The following TMPPE variants were observed in gnomAD, a reference collection of about 807,000 sequenced individuals.
TMPPE encodes the protein transmembrane protein with metallophosphoesterase domain.
TMPPE carries 16 observed loss-of-function variants against 22.6 expected under a neutral mutation model. The observed-to-expected ratio is 0.71, with a 90% CI of 0.48 to 1.08. The LOEUF is 1.08. TMPPE is among the 50% of genes least tolerant of loss of function. TMPPE has a pLI of 0.00. For missense variants in TMPPE, 526 were observed against 584.3 expected, an observed-to-expected ratio of 0.90 and a Z score of 1.03; for synonymous variants, 240 against 245.3, an observed-to-expected ratio of 0.98 and a Z score of 0.20.
At position 33,090,487 on chromosome 3, in the gene TMPPE, C is replaced by G. The variant is rs1700705792; in HGVS notation, c.*2347G>C. Reference sequence around the variant, plus strand: ...GTGACAGCATCATATACTACAGACACTATTGCTGATTTTCAAAAAGCATTG... The same window carrying G: ...GTGACAGCATCATATACTACAGACAGTATTGCTGATTTTCAAAAAGCATTG... On this transcript the variant is annotated 3_prime_UTR_variant, in exon 2 of 2. Coordinates refer to ENST00000342462, the MANE Select transcript of TMPPE (RefSeq NM_001039770.3). The G allele has an allele frequency of 6.1e-6, 6 of 985,284 alleles. No individual in the cohort carries two copies. Among genetic ancestry groups the G allele is most frequent in the African/African-American group, 1.7e-5 (1 of 57,230 alleles). 61.0% of individuals were successfully genotyped at this position (985,284 alleles called of 1,614,324 possible).
Position 33,090,802 on chromosome 3 carries a change from G to C in TMPPE, c.*2032C>G. ...TGTTGTTTCTCAGATACATAGGATG[G>C]ACCTGTTTTCTTTCTGCTAATAGAA... On this transcript the variant is annotated 3_prime_UTR_variant, in exon 2 of 2. Transcript: ENST00000342462. The C allele has an allele frequency of 1.0e-5, 10 of 985,358 alleles. No individual in the cohort carries two copies. Among genetic ancestry groups the C allele is most frequent in the Non-Finnish European group, 1.2e-5 (10 of 829,928 alleles). The allele number at this position is 985,358 out of a possible 1,614,324, so 61.0% of individuals were successfully genotyped here.
Position 33,091,665 on chromosome 3 carries a change from G to C in TMPPE, c.*1169C>G. On this transcript the variant is annotated 3_prime_UTR_variant, in exon 2 of 2. Transcript: ENST00000342462. ...CGATAATTATCCCCATTTTAGGGTTGATGGAAACCAAGGCTGAGTGAGGGA... is the reference window on the plus strand; with the variant it reads ...CGATAATTATCCCCATTTTAGGGTTCATGGAAACCAAGGCTGAGTGAGGGA... The C allele has an allele frequency of 1.0e-6, 1 of 984,946 alleles. No homozygotes were observed. Among genetic ancestry groups the C allele is most frequent in the Non-Finnish European group, 1.2e-6 (1 of 829,482 alleles). The allele number at this position is 984,946 out of a possible 1,614,324, so 61.0% of individuals were successfully genotyped here.
rs916369318 is a variant in TMPPE at position 33,096,857 on chromosome 3, T to G, written c.-247A>C. ...GCCCCCGACGGGAAGGCCGGTCCACTGCCTGCGTTCCGCCGGCCGCGAGCC... is the reference window on the plus strand; with the variant it reads ...GCCCCCGACGGGAAGGCCGGTCCACGGCCTGCGTTCCGCCGGCCGCGAGCC... On this transcript the variant is annotated 5_prime_UTR_variant, in exon 1 of 2. Transcript: ENST00000342462. 2.8e-6 allele frequency: 4 copies of G among 1,405,928 alleles called. No individual in the cohort carries two copies. Among genetic ancestry groups the G allele is most frequent in the Non-Finnish European group, 3.7e-6 (4 of 1,079,806 alleles). 87.1% of individuals were successfully genotyped at this position (1,405,928 alleles called of 1,614,324 possible).
intron 1 of TMPPE, among the ~76,000 whole-genome samples, chr3:33,095,085 C>T (rs1700953730): frequency 6.6e-6 from 1 of 151,862 alleles, no homozygotes; most frequent in African/African-American, 2.4e-5. Context: ...GTGGTGGATG[C>T]ATGTAATCCC....
chr3:33,096,958 C>T lies in TMPPE; in HGVS notation c.-348G>A. On this transcript the variant is annotated 5_prime_UTR_variant, in exon 1 of 2. Transcript: ENST00000342462. Reference sequence around the variant, plus strand: ...TGGCTGCGACCCCAGCCCGGTTCCCCGCCAGCCTGTCCCCTAGCAATGCCT... The same window carrying T: ...TGGCTGCGACCCCAGCCCGGTTCCCTGCCAGCCTGTCCCCTAGCAATGCCT... 6.3e-7 allele frequency: 1 copy of T among 1,592,804 alleles called. No individual in the cohort carries two copies. The highest frequency in any genetic ancestry group is 1.1e-5 in the South Asian group (1 of 88,364).
chr3:33,093,542 G>A lies in TMPPE; in HGVS notation c.654C>T (p.Gly218=). The change falls in exon 2 of 2, where the codon GGC becomes GGT. Residue 218 remains glycine, a synonymous_variant. Coordinates refer to ENST00000342462, the MANE Select transcript of TMPPE (RefSeq NM_001039770.3). The surrounding 1 kb of genome is among the most constrained non-coding windows in gnomAD (Gnocchi z 6.0). The stretch of plus-strand genomic sequence containing the variant: ...CCATCTTGGTCCTGCCCACTGTGGG[G>A]CCCAAGTGAATGTCTGAGAGGAGCA... ...KIVLLSDIHL[G]PTVGRTKMEM... is the part of the protein sequence containing the mutation. The A allele has an allele frequency of 1.2e-6, 2 of 1,614,208 alleles. No individual in the cohort carries two copies. Among genetic ancestry groups the A allele is most frequent in the Non-Finnish European group, 1.7e-6 (2 of 1,180,036 alleles).
chr3:33,092,415 A>G lies in TMPPE; in HGVS notation c.*419T>C, dbSNP rs1700802886. 1.1e-5 allele frequency: 11 copies of G among 994,712 alleles called. No homozygotes were observed. The South Asian group carries it at 5.1e-4, about 46-fold the overall frequency. 61.6% of individuals were successfully genotyped at this position (994,712 alleles called of 1,614,324 possible). ...CTCTGGATCAATGATTCTGGAAACC[A>G]CTTAAGTCCTAAAGACAATTTTAAA... On this transcript the variant is annotated 3_prime_UTR_variant, in exon 2 of 2. Transcript: ENST00000342462.
Position 33,090,885 on chromosome 3 carries a change from G to T in TMPPE, c.*1949C>A, listed in dbSNP as rs114462916. The stretch of plus-strand genomic sequence containing the variant: ...TGAAGGGTACATAAGACCACACAAT[G>T]ATGGCATTCAAGAGAAAGAAAAGAG... On this transcript the variant is annotated 3_prime_UTR_variant, in exon 2 of 2. Transcript: ENST00000342462. 1.0e-6 allele frequency: 1 copy of T among 985,206 alleles called. No homozygotes were observed. Among genetic ancestry groups the T allele is most frequent in the South Asian group, 4.7e-5 (1 of 21,274 alleles). The allele number at this position is 985,206 out of a possible 1,614,324, so 61.0% of individuals were successfully genotyped here.
At position 33,090,905 on chromosome 3, in the gene TMPPE, A is replaced by T. The variant is rs1268720243; in HGVS notation, c.*1929T>A. 2 of 985,356 alleles carry T rather than the reference A, an allele frequency of 2.0e-6. No homozygotes were observed. Among genetic ancestry groups the T allele is most frequent in the Non-Finnish European group, 2.4e-6 (2 of 829,960 alleles). 61.0% of individuals were successfully genotyped at this position (985,356 alleles called of 1,614,324 possible). A position where few individuals can be genotyped will look rare whatever the true frequency, so the allele number is the denominator to read the frequency against. On this transcript the variant is annotated 3_prime_UTR_variant, in exon 2 of 2. Coordinates refer to ENST00000342462, the MANE Select transcript of TMPPE (RefSeq NM_001039770.3). Reference sequence around the variant, plus strand: ...ACAATGATGGCATTCAAGAGAAAGAAAAGAGGTAAGGATGCAAAATTAAAA... The same window carrying T: ...ACAATGATGGCATTCAAGAGAAAGATAAGAGGTAAGGATGCAAAATTAAAA...
chr3:33,091,087 C>G lies in TMPPE; in HGVS notation c.*1747G>C, dbSNP rs975186628. On this transcript the variant is annotated 3_prime_UTR_variant, in exon 2 of 2. Transcript: ENST00000342462. ...AGTGAAATGGCACCATCTAGCCCAC[C>G]TGGTGAAATCCAAAGCGAGAACTTA... 6.1e-6 allele frequency: 6 copies of G among 985,264 alleles called. No individual in the cohort carries two copies. The highest frequency in any genetic ancestry group is 7.2e-6 in the Non-Finnish European group (6 of 829,946). The allele number at this position is 985,264 out of a possible 1,614,324, so 61.0% of individuals were successfully genotyped here. A position where few individuals can be genotyped will look rare whatever the true frequency, so the allele number is the denominator to read the frequency against.
intron 1 of TMPPE, among the ~76,000 whole-genome samples, chr3:33,094,801 AT>A (rs1700935292): frequency 6.6e-6 from 1 of 152,256 alleles, no homozygotes. Context: ...ATTTGCAGAA[AT>A]GTAAAACAGT....
Position 33,092,752 on chromosome 3 carries a change from G to A in TMPPE, c.*82C>T. 2 of 1,516,112 alleles carry A rather than the reference G, an allele frequency of 1.3e-6. No individual in the cohort carries two copies. The highest frequency in any genetic ancestry group is 2.3e-5 in the East Asian group (1 of 43,950). The allele number at this position is 1,516,112 out of a possible 1,614,324, so 93.9% of individuals were successfully genotyped here. On this transcript the variant is annotated 3_prime_UTR_variant, in exon 2 of 2. Coordinates refer to ENST00000342462, the MANE Select transcript of TMPPE (RefSeq NM_001039770.3). ...CAAGGATGAGTGGGCAAGGCTGGAG[G>A]GGAAAAGCAGGCAAACCACTCTGAA...
In TMPPE at chr3:33,091,506, A is replaced by G; in HGVS notation, c.*1328T>C. ...TGAATCCTCTGGGCACCTGTGCCCA[A>G]CAGAGTTCCTTAGCAAGCTCCACTG... On this transcript the variant is annotated 3_prime_UTR_variant, in exon 2 of 2. Coordinates refer to ENST00000342462, the MANE Select transcript of TMPPE (RefSeq NM_001039770.3). 1.0e-6 allele frequency: 1 copy of G among 985,508 alleles called. No individual in the cohort carries two copies. The highest frequency in any genetic ancestry group is 1.7e-5 in the African/African-American group (1 of 57,372). The allele number at this position is 985,508 out of a possible 1,614,324, so 61.0% of individuals were successfully genotyped here.
chr3:33,095,809 C>T (rs1245304135), intron 1 of TMPPE, among the ~76,000 whole-genome samples: 1 of 152,194 alleles, frequency 6.6e-6, no homozygotes, highest in African/African-American at 2.4e-5. Flanking sequence ...TCCACCTTCC[C>T]CAGTGGTTCT....
At chr3:33,094,585 T>C (rs957604935) in intron 1 of TMPPE, among the ~76,000 whole-genome samples, 1 of 152,254 alleles carries the variant, frequency 6.6e-6, no homozygotes, top group African/African-American at 2.4e-5. Flanking sequence ...GTATTCAAAG[T>C]GTGGTCTGGA....
intron 1 of TMPPE, among the ~76,000 whole-genome samples, chr3:33,094,692 A>G (rs1367467473): frequency 6.6e-6 from 1 of 151,386 alleles, no homozygotes; most frequent in Non-Finnish European, 1.5e-5. Context: ...GAGGGGGTGG[A>G]GTCTTCCAGA....
In TMPPE at chr3:33,093,799, A is replaced by C; in HGVS notation, c.397T>G (p.Phe133Val). 1.2e-6 allele frequency: 2 copies of C among 1,613,524 alleles called. No homozygotes were observed. The highest frequency in any genetic ancestry group is 1.7e-6 in the Non-Finnish European group (2 of 1,179,714). Reference sequence around the variant, plus strand: ...GCCTGCTCCATGCCGCTGAGGATGAAGAGGAAGAAGAGCATGATGATGTAA... The same window carrying C: ...GCCTGCTCCATGCCGCTGAGGATGACGAGGAAGAAGAGCATGATGATGTAA... ...GAYIIMLFFL[F>V]ILSGMEQAYQ... Residue 133 changes from phenylalanine to valine, a missense_variant, in exon 2 of 2, where the codon TTC becomes GTC. Physicochemically the swap from Phe to Val is conservative, Grantham distance 50. Coordinates refer to ENST00000342462, the MANE Select transcript of TMPPE (RefSeq NM_001039770.3). The surrounding 1 kb of genome is among the most constrained non-coding windows in gnomAD (Gnocchi z 6.0).
chr3:33,090,936 A>T lies in TMPPE; in HGVS notation c.*1898T>A. On this transcript the variant is annotated 3_prime_UTR_variant, in exon 2 of 2. Coordinates refer to ENST00000342462, the MANE Select transcript of TMPPE (RefSeq NM_001039770.3). ...GTAAGGATGCAAAATTAAAAAAAAAATAGGACTTAATGAAAGCTAATTTCA... is the reference window on the plus strand; with the variant it reads ...GTAAGGATGCAAAATTAAAAAAAAATTAGGACTTAATGAAAGCTAATTTCA... 1 of 985,414 alleles carries T rather than the reference A, an allele frequency of 1.0e-6. No individual in the cohort carries two copies. The highest frequency in any genetic ancestry group is 1.2e-6 in the Non-Finnish European group (1 of 829,906). 61.0% of individuals were successfully genotyped at this position (985,414 alleles called of 1,614,324 possible). A position where few individuals can be genotyped will look rare whatever the true frequency, so the allele number is the denominator to read the frequency against.
rs1335109724 is a variant in TMPPE, at chr3:33,097,143, G to C, written c.-533C>G. ...CCAGGCCGGCCGCTTCGCGTCACTT[G>C]ACTAAGGACCCACGGCCTGGCACCG... On this transcript the variant is annotated 5_prime_UTR_variant, in exon 1 of 2. Transcript: ENST00000342462. 5 of 1,596,380 alleles carry C rather than the reference G, an allele frequency of 3.1e-6. No individual in the cohort carries two copies. Among genetic ancestry groups the C allele is most frequent in the Non-Finnish European group, 3.4e-6 (4 of 1,170,618 alleles).
Sources: gnomAD v4.1 joint callset for allele counts (sites outside exome capture counted in the v4.1 genomes callset) on GRCh38, gnomAD v4.1.1 for gene constraint, Gnocchi (gnomAD v3.1) non-coding constraint, MANE v1.5 for transcripts, NCBI Gene and HGNC (gene_info 2026-07-23, HGNC 2026-07-21) for gene names.